PADI1: variants seen among roughly 807,000 people sequenced by gnomAD.
PADI1 encodes protein-arginine deiminase type-1.
In PADI1, 65 loss-of-function variants were observed where a neutral mutation model predicts 74.8. The observed-to-expected ratio is 0.87, with a 90% CI of 0.71 to 1.07. PADI1 has a LOEUF of 1.07. PADI1 is among the 50% of genes least tolerant of loss of function. The probability of loss-of-function intolerance (pLI) is 0.00; values close to 1 mark genes in which losing one functional copy is unlikely to be tolerated. For missense variants in PADI1, 943 were observed against 854.0 expected (o/e 1.10, Z -1.30); for synonymous variants, 371 against 336.2 (o/e 1.10, Z -1.13).
chr1:17,216,962 G>A (rs558073540), intron 1 of PADI1, among the ~76,000 whole-genome samples: 3 of 151,712 alleles, frequency 2.0e-5, no homozygotes, highest in African/African-American at 7.3e-5. Context: ...CCATATTGAT[G>A]TGGCAGGTGG....
At chr1:17,211,326 C>T (rs2100401696) in intron 1 of PADI1, among the ~76,000 whole-genome samples, 1 of 152,256 alleles carries the variant, frequency 6.6e-6, no homozygotes, top group African/African-American at 2.4e-5. Flanking sequence ...TCCTCTCCCT[C>T]CACCATGCCC....
intron 15 of PADI1, among the ~76,000 whole-genome samples, chr1:17,242,744 G>A (rs1244877559): frequency 6.6e-6 from 1 of 152,238 alleles, no homozygotes; most frequent in African/African-American, 2.4e-5. Context: ...AGGTCACACA[G>A]TGAGCGAGTG....
intron 1 of PADI1, among the ~76,000 whole-genome samples, chr1:17,205,734 G>A (rs1029296146): frequency 2.0e-5 from 3 of 152,166 alleles, no homozygotes; most frequent in Admixed American, 1.3e-4. Flanking sequence ...GACGTGTGTG[G>A]TAGCTTGACC....
Position 17,244,128 on chromosome 1 carries a change from A to G in PADI1, c.1877A>G (p.His626Arg), listed in dbSNP as rs1404387292. ...VQSLLEPLGL[H>R]CIFIDDYLSY... ...TCCCTGCTGGAGCCTCTGGGCCTGC[A>G]CTGCATCTTCATTGATGACTACTTG... The change falls in exon 16 of 16, where the codon CAC becomes CGC. Residue 626 changes from histidine to arginine, a missense_variant. Transcript: ENST00000375471. 1 of 1,614,184 alleles carries G rather than the reference A, an allele frequency of 6.2e-7. No homozygotes were observed. The highest frequency in any genetic ancestry group is 1.7e-5 in the Admixed American group (1 of 60,032).
rs776328627 is a variant in PADI1 at position 17,229,063 on chromosome 1, T to TC, written c.929+15dup. On this transcript the variant is annotated intron_variant, in intron 8 of 15. Transcript: ENST00000375471. ...CTGTATGTGTGCAGGTGAGGCTCCC[T>TC]CCCTCCAGCCCTCCCCCAAGTCTGG... is the stretch of plus-strand genomic sequence containing the variant. The TC allele has an allele frequency of 2.1e-5, 32 of 1,507,478 alleles. No individual in the cohort carries two copies. The highest frequency in any genetic ancestry group is 2.5e-5 in the Non-Finnish European group (28 of 1,106,748). 93.4% of individuals were successfully genotyped at this position (1,507,478 alleles called of 1,614,324 possible).
chr1:17,230,523 A>G, intron 9 of PADI1, 49 bp from the exon 10 acceptor site: 1 of 1,356,698 alleles, frequency 7.4e-7, no homozygotes, highest in Non-Finnish European at 1.0e-6. Flanking sequence ...CCTGTTCTGT[A>G]AACCACCCGA....
At chr1:17,220,440 A>G (rs1405319355) in intron 1 of PADI1, among the ~76,000 whole-genome samples, 1 of 152,156 alleles carries the variant, frequency 6.6e-6, no homozygotes, top group African/African-American at 2.4e-5. Context: ...AATATGCAGA[A>G]GGACCCCTTT....
In PADI1 at chr1:17,240,714, T is replaced by C. The variant is rs541735647; in HGVS notation, c.1712T>C (p.Leu571Pro). Residue 571 changes from leucine to proline, a missense_variant, in exon 15 of 16, where the codon CTC becomes CCC. By Grantham distance (98) the Leu-to-Pro change is moderately conservative. Transcript: ENST00000375471. The stretch of plus-strand genomic sequence containing the variant: ...AGTGACATCGTGGACATTCCCCAGC[T>C]CTTCTTCCTGAAAAACTTCTACGCG... Reference protein sequence around the residue: ...AESDIVDIPQLFFLKNFYAEA... With the variant: ...AESDIVDIPQPFFLKNFYAEA... 35 of 1,614,098 alleles carry C rather than the reference T, an allele frequency of 2.2e-5. No homozygotes were observed. In the South Asian group the frequency reaches 3.6e-4, roughly 17 times the overall value.
chr1:17,234,283 T>C (rs2072574883), intron 11 of PADI1, among the ~76,000 whole-genome samples: 1 of 152,216 alleles, frequency 6.6e-6, no homozygotes, highest in African/African-American at 2.4e-5. Flanking sequence ...CAGATGCATT[T>C]TAAATGAGCA....
Position 17,244,795 on chromosome 1 carries a change from AGCTGTGTG to A in PADI1, c.*553_*560del, listed in dbSNP as rs2072851221. The A allele has an allele frequency of 3.8e-6, 1 of 265,916 alleles. No individual in the cohort carries two copies. Among genetic ancestry groups the A allele is most frequent in the Non-Finnish European group, 7.4e-6 (1 of 134,462 alleles). 16.5% of individuals were successfully genotyped at this position (265,916 alleles called of 1,614,324 possible). On this transcript the variant is annotated 3_prime_UTR_variant, in exon 16 of 16. Coordinates refer to ENST00000375471, the MANE Select transcript of PADI1 (RefSeq NM_013358.3). Reference sequence around the variant, plus strand: ...CCTCCACCCCCATCCAGCACCCTTCAGCTGTGTGTGGACAAACAAGGACAGAAAAACCC... The same window carrying A: ...CCTCCACCCCCATCCAGCACCCTTCATGGACAAACAAGGACAGAAAAACCC...
At chr1:17,230,830 A>T (rs1353907178) in intron 10 of PADI1, 151 bp downstream of exon 10, 5 of 601,610 alleles carry the variant, frequency 8.3e-6, no homozygotes, top group Non-Finnish European at 1.2e-5. Context: ...CAAACTGGGG[A>T]GCCAGTGCGG....
intron 1 of PADI1, among the ~76,000 whole-genome samples, chr1:17,217,069 G>T (rs1288975594): frequency 6.6e-6 from 1 of 151,052 alleles, no homozygotes; most frequent in Non-Finnish European, 1.5e-5. Flanking sequence ...GAGGAGAGGA[G>T]GAGAGGGGAG....
chr1:17,244,188 G>C lies in PADI1; in HGVS notation c.1937G>C (p.Gly646Ala). 2 of 1,614,192 alleles carry C rather than the reference G, an allele frequency of 1.2e-6. No individual in the cohort carries two copies. Among genetic ancestry groups the C allele is most frequent in the Non-Finnish European group, 1.7e-6 (2 of 1,180,034 alleles). ...YHELQGEIHC[G>A]TNVRRKPFPF... Reference sequence around the variant, plus strand: ...GAGCTGCAGGGGGAGATCCACTGTGGCACCAACGTGCGCAGGAAGCCCTTT... The same window carrying C: ...GAGCTGCAGGGGGAGATCCACTGTGCCACCAACGTGCGCAGGAAGCCCTTT... Residue 646 changes from glycine to alanine, a missense_variant, in exon 16 of 16, where the codon GGC becomes GCC. By Grantham distance (60) the Gly-to-Ala change is moderately conservative. Coordinates refer to ENST00000375471, the MANE Select transcript of PADI1 (RefSeq NM_013358.3).
At chr1:17,220,884 C>T (rs12044142) in intron 1 of PADI1, among the ~76,000 whole-genome samples, 11 of 152,082 alleles carry the variant, frequency 7.2e-5, no homozygotes, top group Non-Finnish European at 4.4e-5. Context: ...TTTTGCTCTG[C>T]GTGCCCTGTA....
At position 17,222,345 on chromosome 1, in the gene PADI1, G is replaced by A; in HGVS notation, c.148G>A (p.Val50Ile). Residue 50 changes from valine to isoleucine, a missense_variant, in exon 2 of 16, where the codon GTC (valine) becomes ATC (isoleucine). Transcript: ENST00000375471. ...FRVSGSSGVE[V>I]FMVYNRTRVK... ...GGTCTCTGGAAGCTCCGGGGTGGAG[G>A]TCTTCATGGTCTACAACCGCACACG... 6.2e-7 allele frequency: 1 copy of A among 1,614,074 alleles called. No homozygotes were observed.
At position 17,244,501 on chromosome 1, in the gene PADI1, A is replaced by C; in HGVS notation, c.*258A>C. 1 of 589,908 alleles carries C rather than the reference A, an allele frequency of 1.7e-6. No homozygotes were observed. Among genetic ancestry groups the C allele is most frequent in the Non-Finnish European group, 3.2e-6 (1 of 313,368 alleles). The allele number at this position is 589,908 out of a possible 1,614,324, so 36.5% of individuals were successfully genotyped here. A position where few individuals can be genotyped will look rare whatever the true frequency, so the allele number is the denominator to read the frequency against. ...CCACAGCCCCCAGAGGCTCTAGATC[A>C]ACAATGTTAGCATGTTCCAGAATGG... On this transcript the variant is annotated 3_prime_UTR_variant, in exon 16 of 16. Coordinates refer to ENST00000375471, the MANE Select transcript of PADI1 (RefSeq NM_013358.3).
chr1:17,210,762 G>A (rs2977273), intron 1 of PADI1, among the ~76,000 whole-genome samples: 96,878 of 151,990 alleles, frequency 0.64, 32,240 homozygotes, highest in East Asian at 0.89. Flanking sequence ...ACCTCCAGCA[G>A]CCCCAGCCAG....
chr1:17,232,908 C>T lies in PADI1; in HGVS notation c.1251C>T (p.Pro417=), dbSNP rs762194400. ...DSFGNLDVSP[P]VTVGGTEYPL... ...TCGGCAACCTGGACGTCAGCCCGCCCGTCACGGTGGGCGGCACGGAATACC... is the reference window on the plus strand; with the variant it reads ...TCGGCAACCTGGACGTCAGCCCGCCTGTCACGGTGGGCGGCACGGAATACC... Residue 417 remains proline (P), a synonymous_variant, in exon 11 of 16, where the codon CCC becomes CCT. Transcript: ENST00000375471. 2.7e-5 allele frequency: 43 copies of T among 1,613,068 alleles called. No homozygotes were observed. Among genetic ancestry groups the T allele is most frequent in the Admixed American group, 1.2e-4 (7 of 59,942 alleles).
At chr1:17,242,909 G>A (rs11203341) in intron 15 of PADI1, among the ~76,000 whole-genome samples, 215 of 146,200 alleles carry the variant, frequency 1.5e-3, no homozygotes, top group African/African-American at 5.1e-3. Flanking sequence ...TCCCACCCCA[G>A]CATGTTCTGG....
Sources: allele counts gnomAD v4.1 joint callset (sites outside exome capture counted in the v4.1 genomes callset), GRCh38; gene constraint gnomAD v4.1.1; transcripts MANE v1.5; gene names NCBI Gene and HGNC (gene_info 2026-07-23, HGNC 2026-07-21).